Variants in EFCAB6 observed in about 807,000 individuals in gnomAD.
EFCAB6 encodes the protein EF-hand calcium binding domain 6, also known as EF-hand calcium-binding domain-containing protein 6.
EFCAB6 carries 156 observed loss-of-function variants against 169.8 expected under a neutral mutation model. That is an observed-to-expected ratio of 0.92 (90% CI 0.81 to 1.05). The LOEUF (loss-of-function observed/expected upper bound fraction) is 1.05, where lower values mean the gene tolerates loss of function less well. EFCAB6 is among the 50% of genes least tolerant of loss of function. The probability of loss-of-function intolerance (pLI) is 0.00; values close to 1 mark genes in which losing one functional copy is unlikely to be tolerated. For synonymous variants in EFCAB6, 698 were observed against 676.4 expected, an observed-to-expected ratio of 1.03 and a Z score of -0.50; for missense variants, 1,800 against 1,829.1, an observed-to-expected ratio of 0.98 and a Z score of 0.29.
chr22:43,708,874 A>G (rs945003220), intron 10 of EFCAB6, among the ~76,000 whole-genome samples: 4 of 152,158 alleles, frequency 2.6e-5, no homozygotes, highest in African/African-American at 9.7e-5. Flanking sequence ...TCACTCTGCT[A>G]TGGTTTCCAG....
chr22:43,632,158 T>C lies in EFCAB6; in HGVS notation c.2179A>G (p.Thr727Ala), dbSNP rs1274142017. The change falls in exon 19 of 32, where the codon ACC becomes GCC. Residue 727 changes from threonine (T) to alanine (A), a missense_variant. Physicochemically the swap from Thr to Ala is moderately conservative, Grantham distance 58. Coordinates refer to ENST00000262726, the MANE Select transcript of EFCAB6 (RefSeq NM_022785.4). ...AAAAGCTTCAGGCATTCTTCTGCGGTGATAAAGTGGCTGTTCACGTAACTT... is the reference window on the plus strand; with the variant it reads ...AAAAGCTTCAGGCATTCTTCTGCGGCGATAAAGTGGCTGTTCACGTAACTT... The part of the protein sequence containing the change: ...SKSYVNSHFI[T>A]AEECLKLFPR... The C allele has an allele frequency of 6.2e-7, 1 of 1,614,190 alleles. No homozygotes were observed. The highest frequency in any genetic ancestry group is 8.5e-7 in the Non-Finnish European group (1 of 1,180,038).
At chr22:43,575,175 T>TTGG (rs71699489) in intron 26 of EFCAB6, among the ~76,000 whole-genome samples, 7 of 55,746 alleles carry the variant, frequency 1.3e-4, no homozygotes, top group Non-Finnish European at 3.0e-4. Context: ...TAGACTGTTT[T>TTGG]TGTTGTTGTT....
At chr22:43,604,221 C>A (rs533288635) in intron 22 of EFCAB6, among the ~76,000 whole-genome samples, 1 of 152,072 alleles carries the variant, frequency 6.6e-6, no homozygotes, top group Admixed American at 6.6e-5. Context: ...TATAGCAGCA[C>A]GAGAATAGAC....
rs2057848164 is a variant in EFCAB6, at chr22:43,678,170, A to G, written c.1252-7T>C. On this transcript the variant is annotated splice_polypyrimidine_tract_variant and splice_region_variant and intron_variant, in intron 12 of 31. Coordinates refer to ENST00000262726, the MANE Select transcript of EFCAB6 (RefSeq NM_022785.4). ...TTATCGGTCCATCGGGTTTCTGAGC[A>G]TCAGAGTGTATATAAGGGAATTTTT... The G allele has an allele frequency of 6.2e-7, 1 of 1,605,350 alleles. No homozygotes were observed. Among genetic ancestry groups the G allele is most frequent in the African/African-American group, 1.3e-5 (1 of 74,226 alleles).
chr22:43,531,021 G>T, intron 30 of EFCAB6, 57 bp from the exon 31 acceptor site: 2 of 1,607,230 alleles, frequency 1.2e-6, no homozygotes, highest in South Asian at 1.1e-5. Context: ...GGGTTGGGGT[G>T]GGCTCCTCCT....
intron 26 of EFCAB6, among the ~76,000 whole-genome samples, chr22:43,559,353 C>A (rs1215737636): frequency 6.6e-6 from 1 of 152,116 alleles, no homozygotes; most frequent in Non-Finnish European, 1.5e-5. Context: ...ATTAAGAAGT[C>A]AGGAAACAAC....
intron 4 of EFCAB6, among the ~76,000 whole-genome samples, chr22:43,770,649 T>C (rs904434626): frequency 2.6e-5 from 4 of 151,558 alleles, no homozygotes; most frequent in African/African-American, 9.7e-5. Context: ...ATGATAAGAG[T>C]CGGTGAACTT....
intron 4 of EFCAB6, among the ~76,000 whole-genome samples, chr22:43,770,642 A>C (rs1041649880): frequency 3.9e-5 from 6 of 152,234 alleles, no homozygotes; most frequent in Non-Finnish European, 7.3e-5. Context: ...AATGAAGATG[A>C]TAAGAGTCGG....
At chr22:43,539,945 C>T (rs1481387324) in intron 28 of EFCAB6, among the ~76,000 whole-genome samples, 182 bp downstream of exon 28, 2 of 152,202 alleles carry the variant, frequency 1.3e-5, no homozygotes, top group Non-Finnish European at 2.9e-5. Flanking sequence ...GTCTGCCCCC[C>T]TCCCAGGGAA....
chr22:43,590,763 CAGT>C (rs1359530021), intron 23 of EFCAB6, among the ~76,000 whole-genome samples: 3 of 144,288 alleles, frequency 2.1e-5, no homozygotes, highest in African/African-American at 5.1e-5. Flanking sequence ...AAAAAAAAGA[CAGT>C]AGGTTTGTAG....
intron 6 of EFCAB6, among the ~76,000 whole-genome samples, chr22:43,749,367 C>T (rs2060676300): frequency 6.6e-6 from 1 of 152,038 alleles, no homozygotes; most frequent in African/African-American, 2.4e-5. Flanking sequence ...TTATTCTTCC[C>T]CTAGTAGCTT....
chr22:43,608,695 G>T, intron 21 of EFCAB6, 95 bp from the exon 22 acceptor site: 1 of 1,141,218 alleles, frequency 8.8e-7, no homozygotes, highest in Non-Finnish European at 1.3e-6. Context: ...AAACTCTAAG[G>T]CATCTGTATC....
intron 5 of EFCAB6, 25 bp downstream of exon 5, chr22:43,765,280 T>A (rs761641678): frequency 6.3e-7 from 1 of 1,576,426 alleles, no homozygotes; most frequent in Admixed American, 1.7e-5. Context: ...TTTCACATTT[T>A]CACATGAGCA....
At position 43,744,703 on chromosome 22, in the gene EFCAB6, ACT is replaced by A. The variant is rs1469642481; in HGVS notation, c.508-8712_508-8711del. On this transcript the variant is annotated intron_variant, in intron 6 of 31. Coordinates refer to ENST00000262726, the MANE Select transcript of EFCAB6 (RefSeq NM_022785.4). The surrounding 1 kb of genome is among the most constrained non-coding windows in gnomAD (Gnocchi z 4.3). Reference sequence around the variant, plus strand: ...CATGAAGTTCAGAGGCCCCCAAAGCACTGTCCTAATTACTCCCCACGGACCCT... The same window carrying A: ...CATGAAGTTCAGAGGCCCCCAAAGCAGTCCTAATTACTCCCCACGGACCCT... 6.6e-6 allele frequency among the ~76,000 whole-genome samples: 1 copy of A among 152,150 alleles called. No homozygotes were observed. The highest frequency in any genetic ancestry group is 1.5e-5 in the Non-Finnish European group (1 of 68,032).
At chr22:43,588,558 G>T (rs2051234637) in intron 24 of EFCAB6, among the ~76,000 whole-genome samples, 3 of 152,098 alleles carry the variant, frequency 2.0e-5, no homozygotes, top group African/African-American at 7.2e-5. Flanking sequence ...AAGAAAAAAA[G>T]ATTTAAAATA....
chr22:43,604,564 C>G (rs2052772144), intron 22 of EFCAB6, among the ~76,000 whole-genome samples: 1 of 152,156 alleles, frequency 6.6e-6, no homozygotes, highest in Non-Finnish European at 1.5e-5. Flanking sequence ...TTCACTCAAC[C>G]TTTTAAAACC....
rs1407126838 is a variant in EFCAB6, at chr22:43,615,891, C to G, written c.2497G>C (p.Ala833Pro). Residue 833 changes from alanine (A) to proline (P), a missense_variant, in exon 21 of 32, where the codon GCT becomes CCT. Ala to Pro is a conservative substitution (Grantham distance 27, BLOSUM62 -1). Transcript: ENST00000262726. Reference sequence around the variant, plus strand: ...AGATACTGATGAGCCTGCTCACAAGCTAGTTCTGAATCCGCAACCTTCTGT... The same window carrying G: ...AGATACTGATGAGCCTGCTCACAAGGTAGTTCTGAATCCGCAACCTTCTGT... Reference protein sequence around the residue: ...PKQKVADSELACEQAHQYLVT... With the variant: ...PKQKVADSELPCEQAHQYLVT... 1 of 1,613,628 alleles carries G rather than the reference C, an allele frequency of 6.2e-7. No individual in the cohort carries two copies. The highest frequency in any genetic ancestry group is 1.3e-5 in the African/African-American group (1 of 75,018).
chr22:43,562,127 C>T (rs1280211299), intron 26 of EFCAB6, among the ~76,000 whole-genome samples: 1 of 152,166 alleles, frequency 6.6e-6, no homozygotes, highest in East Asian at 1.9e-4. Context: ...AACAGAGAAC[C>T]ATTTACGTGT....
chr22:43,563,307 A>G (rs1288406168), intron 26 of EFCAB6, among the ~76,000 whole-genome samples: 2 of 152,222 alleles, frequency 1.3e-5, no homozygotes. Flanking sequence ...AAGTGAAAAT[A>G]AAAACAGCCA....
Sources: gnomAD v4.1 joint callset for allele counts (sites outside exome capture counted in the v4.1 genomes callset) on GRCh38, gnomAD v4.1.1 for gene constraint, Gnocchi (gnomAD v3.1) non-coding constraint, MANE v1.5 for transcripts, NCBI Gene and HGNC (gene_info 2026-07-23, HGNC 2026-07-21) for gene names.